CCDC40: variants seen among roughly 807,000 people sequenced by gnomAD.
CCDC40 encodes coiled-coil domain 40 molecular ruler complex subunit.
CCDC40 carries 104 observed loss-of-function variants against 124.5 expected under a neutral mutation model. The observed-to-expected ratio is 0.84, with a 90% confidence interval of 0.71 to 0.98. CCDC40 has a LOEUF of 0.98. Ranked by LOEUF, CCDC40 falls within the 50% of genes least tolerant of loss-of-function variation. The pLI is 0.00. For synonymous variants in CCDC40, 580 were observed against 602.9 expected (o/e 0.96, Z 0.56); for missense variants, 1,463 against 1,503.9 (o/e 0.97, Z 0.45).
chr17:80,040,179 G>A lies in CCDC40; in HGVS notation c.461G>A (p.Arg154Lys), dbSNP rs751661394. ...ACCGGTCCACCAGAATCCAGAGAAA[G>A]GAGGGTCACCTCCCCAGAGCCATCC... ...EATGPPESRE[R>K]RVTSPEPSHG... Residue 154 changes from arginine (R) to lysine (K), a missense_variant, in exon 3 of 20, where the codon AGG (arginine) becomes AAG (lysine). Physicochemically the swap from Arg to Lys is conservative, Grantham distance 26. Transcript: ENST00000397545. 55 of 1,613,844 alleles carry A rather than the reference G, an allele frequency of 3.4e-5. No individual in the cohort carries two copies. The highest frequency in any genetic ancestry group is 4.5e-5 in the Non-Finnish European group (53 of 1,179,876).
chr17:80,058,569 G>T lies in CCDC40; in HGVS notation c.1235G>T (p.Arg412Leu). Residue 412 changes from arginine (R) to leucine (L), a missense_variant, in exon 8 of 20, where the codon CGT (arginine) becomes CTT (leucine). By Grantham distance (102) the Arg-to-Leu change is moderately radical (BLOSUM62 -2). Transcript: ENST00000397545. The surrounding 1 kb of genome is among the most constrained non-coding windows in gnomAD (Gnocchi z 4.2). ...ATGCAGAACATCGACCAGGACATGC[G>T]TGACGACATCCGCGTGATGACACAA... is the stretch of plus-strand genomic sequence containing the variant. ...FYMQNIDQDM[R>L]DDIRVMTQVV... is the part of the protein sequence containing the mutation. 6.2e-7 allele frequency: 1 copy of T among 1,614,116 alleles called. No individual in the cohort carries two copies. The highest frequency in any genetic ancestry group is 8.5e-7 in the Non-Finnish European group (1 of 1,179,968).
chr17:80,082,043 G>A lies in CCDC40; in HGVS notation c.1974G>A (p.Lys658=), dbSNP rs777997435. 4 of 1,613,212 alleles carry A rather than the reference G, an allele frequency of 2.5e-6. No homozygotes were observed. The highest frequency in any genetic ancestry group is 3.4e-6 in the Non-Finnish European group (4 of 1,179,892). The change falls in exon 12 of 20, where the codon AAG becomes AAA. Residue 658 remains lysine (K), a synonymous_variant. Transcript: ENST00000397545. ...ACCAGCTCATCCTGAGGCTGCAGAA[G>A]GAGAAGACCAACATGGTAGGCCCCT... ...YFNQLILRLQ[K]EKTNMMTHLS...
intron 5 of CCDC40, among the ~76,000 whole-genome samples, chr17:80,049,523 C>A (rs2037523940): frequency 6.6e-6 from 1 of 152,158 alleles, no homozygotes; most frequent in African/African-American, 2.4e-5. Flanking sequence ...CCTGCCCCAC[C>A]CACTGGCAAG....
chr17:80,078,133 C>G (rs1208339276), intron 10 of CCDC40, among the ~76,000 whole-genome samples: 5 of 151,838 alleles, frequency 3.3e-5, no homozygotes, highest in South Asian at 2.1e-4. Flanking sequence ...AGATTGAGAC[C>G]ATCCTGGCTA....
chr17:80,051,606 G>A (rs1238766447), intron 7 of CCDC40, among the ~76,000 whole-genome samples: 1 of 131,846 alleles, frequency 7.6e-6, no homozygotes, highest in Non-Finnish European at 1.6e-5. Flanking sequence ...TCCAGCCTGG[G>A]CGACAGAGCG....
chr17:80,094,737 G>A (rs959205817), intron 17 of CCDC40, among the ~76,000 whole-genome samples: 34 of 152,112 alleles, frequency 2.2e-4, no homozygotes, highest in Admixed American at 1.7e-3. Context: ...TCTAACACGC[G>A]CACACATCTA....
At chr17:80,038,067 G>T in intron 1 of CCDC40, 56 bp from the exon 2 acceptor site, 1 of 1,196,330 alleles carries the variant, frequency 8.4e-7, no homozygotes, top group South Asian at 1.2e-5. Context: ...AGGGGATAAG[G>T]ACCAAGAAAA....
At chr17:80,068,949 CG>C (rs1435557734) in intron 10 of CCDC40, among the ~76,000 whole-genome samples, 3 of 152,228 alleles carry the variant, frequency 2.0e-5, no homozygotes, top group Non-Finnish European at 2.9e-5. Flanking sequence ...GCCTGGGCCC[CG>C]GCCCTGTCTG....
At chr17:80,037,690 G>GATTATATATATATATATATATATATAT (rs1555889146) in intron 1 of CCDC40, among the ~76,000 whole-genome samples, 3 of 92,084 alleles carry the variant, frequency 3.3e-5, no homozygotes, top group Non-Finnish European at 6.5e-5. Flanking sequence ...TTTTAAAAAA[G>GATTATATATATATATATATATATATAT]ATATACATAT....
chr17:80,057,448 C>T (rs1343103326), intron 7 of CCDC40, among the ~76,000 whole-genome samples: 4 of 152,170 alleles, frequency 2.6e-5, no homozygotes, highest in Non-Finnish European at 4.4e-5. Flanking sequence ...GGATGATATG[C>T]GTCCAGCAGC....
intron 9 of CCDC40, 74 bp downstream of exon 9, chr17:80,059,054 A>C (rs1199781607): frequency 1.9e-6 from 3 of 1,567,908 alleles, no homozygotes; most frequent in African/African-American, 2.7e-5. Flanking sequence ...TGGTGGGTCT[A>C]CTAGACTGCA....
intron 13 of CCDC40, 148 bp downstream of exon 13, chr17:80,085,136 C>T (rs1209948615): frequency 3.7e-6 from 4 of 1,086,152 alleles, no homozygotes; most frequent in South Asian, 2.8e-5. Context: ...CAAAATGGCA[C>T]GTGTGCCAAG....
intron 19 of CCDC40, chr17:80,097,930 G>GAAAAGAA (rs2038841119): frequency 1.2e-5 from 1 of 86,238 alleles, no homozygotes; most frequent in Non-Finnish European, 2.0e-5. Context: ...GAAAAGAAAA[G>GAAAAGAA]AAAAGAAAAG....
chr17:80,088,160 C>T, intron 16 of CCDC40, 58 bp downstream of exon 16: 2 of 1,215,034 alleles, frequency 1.6e-6, no homozygotes, highest in Non-Finnish European at 2.4e-6. Flanking sequence ...CTACAGGCCT[C>T]TGTCCGTTGA....
intron 2 of CCDC40, among the ~76,000 whole-genome samples, chr17:80,038,810 G>A (rs1415859309): frequency 1.3e-5 from 2 of 152,070 alleles, no homozygotes; most frequent in Non-Finnish European, 2.9e-5. Context: ...GCGACAGAGC[G>A]AGACTCCATC....
intron 5 of CCDC40, among the ~76,000 whole-genome samples, 153 bp downstream of exon 5, chr17:80,048,914 T>C (rs951489974): frequency 1.3e-5 from 2 of 152,214 alleles, no homozygotes; most frequent in African/African-American, 4.8e-5. Context: ...CTGATTGACC[T>C]GCCTCTTCGT....
Position 80,066,500 on chromosome 17 carries a change from G to A in CCDC40, c.1562+894G>A, listed in dbSNP as rs977933732. Reference sequence around the variant, plus strand: ...TGGCCAGGCGCAGTGGCTCGCACCTGTAATCCCAACATTTTGGGAGGCTGA... The same window carrying A: ...TGGCCAGGCGCAGTGGCTCGCACCTATAATCCCAACATTTTGGGAGGCTGA... On this transcript the variant is annotated intron_variant, in intron 10 of 19. Transcript: ENST00000397545. The surrounding 1 kb of genome is among the most constrained non-coding windows in gnomAD (Gnocchi z 4.4). The A allele has an allele frequency of 4.1e-6, 1 of 244,894 alleles. No individual in the cohort carries two copies. The highest frequency in any genetic ancestry group is 7.9e-6 in the Non-Finnish European group (1 of 125,866). 15.2% of individuals were successfully genotyped at this position (244,894 alleles called of 1,614,324 possible). A position where few individuals can be genotyped will look rare whatever the true frequency, so the allele number is the denominator to read the frequency against.
chr17:80,084,052 G>A (rs4889814), intron 12 of CCDC40, among the ~76,000 whole-genome samples: 53,344 of 152,104 alleles, frequency 0.35, 10,837 homozygotes, highest in Middle Eastern at 0.48. Context: ...GCTAACTTGT[G>A]TCAGAATTGC....
intron 3 of CCDC40, among the ~76,000 whole-genome samples, chr17:80,043,629 A>ACAGAGTC (rs2037340994): frequency 7.1e-6 from 1 of 141,182 alleles, no homozygotes; most frequent in African/African-American, 2.7e-5. Flanking sequence ...TTTTTTTGAA[A>ACAGAGTC]CAGAGTCTTG....
Sources: gnomAD v4.1 joint callset for allele counts (sites outside exome capture counted in the v4.1 genomes callset) on GRCh38, gnomAD v4.1.1 for gene constraint, Gnocchi (gnomAD v3.1) non-coding constraint, MANE v1.5 for transcripts, NCBI Gene and HGNC (gene_info 2026-07-23, HGNC 2026-07-21) for gene names.